HRH1: variants seen among roughly 807,000 people sequenced by gnomAD.
HRH1 encodes histamine receptor H1, also known as histamine H1 receptor.
Under a neutral mutation model 10.3 loss-of-function variants are expected in HRH1, and 6 were observed. That is an observed-to-expected ratio of 0.58 (90% CI 0.32 to 1.15). The LOEUF (loss-of-function observed/expected upper bound fraction) is 1.15. Ranked by LOEUF, HRH1 falls within the 50% of genes most tolerant of loss-of-function variation. The probability of loss-of-function intolerance (pLI) is 0.05; values close to 1 mark genes in which losing one functional copy is unlikely to be tolerated. For missense variants in HRH1, 514 were observed against 615.3 expected (o/e 0.84, Z 1.74); for synonymous variants, 242 against 236.7 (o/e 1.02, Z -0.21).
At chr3:11,236,242 C>G (rs1939178243) in intron 1 of HRH1, among the ~76,000 whole-genome samples, 1 of 152,176 alleles carries the variant, frequency 6.6e-6, no homozygotes, top group African/African-American at 2.4e-5. Flanking sequence ...ACCAGCCTGG[C>G]CAACATGGTG....
At chr3:11,236,530 G>A (rs768602171) in intron 1 of HRH1, among the ~76,000 whole-genome samples, 22 of 152,232 alleles carry the variant, frequency 1.4e-4, no homozygotes, top group Non-Finnish European at 2.2e-4. Context: ...TCATCCGGTG[G>A]CTATCATAAT....
intron 1 of HRH1, among the ~76,000 whole-genome samples, chr3:11,147,982 C>A (rs1276921442): frequency 6.6e-6 from 1 of 152,070 alleles, no homozygotes; most frequent in East Asian, 1.9e-4. Context: ...GTGATCAAGA[C>A]CATCCTGGCC....
At chr3:11,147,983 C>G (rs1375064443) in intron 1 of HRH1, among the ~76,000 whole-genome samples, 1 of 152,082 alleles carries the variant, frequency 6.6e-6, no homozygotes, top group Non-Finnish European at 1.5e-5. Flanking sequence ...TGATCAAGAC[C>G]ATCCTGGCCA....
rs543517129 is a variant in HRH1, at chr3:11,256,777, G to A, written c.-35-2226G>A. Among the ~76,000 whole-genome samples, 45 of 152,148 alleles carry A rather than the reference G, an allele frequency of 3.0e-4. 1 individual carries two copies. Among genetic ancestry groups the A allele is most frequent in the African/African-American group, 9.9e-4 (41 of 41,516 alleles). ...TCGCGCCATTGCACTCCAGTCTGGC[G>A]ACAGAGCGAGACTCCGTCTCTAAAT... On this transcript the variant is annotated intron_variant, in intron 1 of 1. Coordinates refer to ENST00000431010, the MANE Select transcript of HRH1 (RefSeq NM_001098212.2).
intron 1 of HRH1, among the ~76,000 whole-genome samples, chr3:11,162,745 C>G (rs1157221095): frequency 6.6e-6 from 1 of 152,068 alleles, no homozygotes; most frequent in Non-Finnish European, 1.5e-5. Flanking sequence ...GGTGTGGAGT[C>G]CATGCTTAGG....
intron 1 of HRH1, among the ~76,000 whole-genome samples, chr3:11,227,399 G>C (rs1938920927): frequency 6.6e-6 from 1 of 151,410 alleles, no homozygotes; most frequent in Non-Finnish European, 1.5e-5. Flanking sequence ...CAATTCTCCT[G>C]CCTCAGCCTC....
chr3:11,170,677 A>G (rs1937134827), intron 1 of HRH1, among the ~76,000 whole-genome samples: 1 of 152,214 alleles, frequency 6.6e-6, no homozygotes, highest in Admixed American at 6.5e-5. Flanking sequence ...AGATGAACAC[A>G]AGGGTTACGA....
chr3:11,231,852 T>C (rs993624559), intron 1 of HRH1, among the ~76,000 whole-genome samples: 2 of 152,186 alleles, frequency 1.3e-5, no homozygotes, highest in Non-Finnish European at 2.9e-5. Context: ...CATTGTTTTT[T>C]CTTTTTATGG....
At chr3:11,234,587 C>T in intron 1 of HRH1, 1 of 1,435,084 alleles carries the variant, frequency 7.0e-7, no homozygotes. Flanking sequence ...TCGTTGGGGT[C>T]ATCAGCCACC....
intron 1 of HRH1, among the ~76,000 whole-genome samples, chr3:11,235,710 T>A (rs1202938638): frequency 6.6e-6 from 1 of 152,144 alleles, no homozygotes; most frequent in African/African-American, 2.4e-5. Context: ...TCATTACAGC[T>A]TGACAAGGGT....
intron 1 of HRH1, among the ~76,000 whole-genome samples, chr3:11,186,076 A>T (rs1937447105): frequency 6.6e-6 from 1 of 151,898 alleles, no homozygotes; most frequent in East Asian, 1.9e-4. Flanking sequence ...CAGAGCCTCC[A>T]GTGGGTTCCT....
intron 1 of HRH1, among the ~76,000 whole-genome samples, chr3:11,156,887 C>A (rs763194709): frequency 1.3e-5 from 2 of 152,202 alleles, no homozygotes; most frequent in Non-Finnish European, 2.9e-5. Flanking sequence ...GAGAGTAGGT[C>A]TGGTTAGATG....
intron 1 of HRH1, among the ~76,000 whole-genome samples, chr3:11,206,945 G>A (rs1283837539): frequency 6.6e-6 from 1 of 152,156 alleles, no homozygotes; most frequent in Non-Finnish European, 1.5e-5. Context: ...GGGGAGGTCT[G>A]AGGAGGGCTT....
intron 1 of HRH1, among the ~76,000 whole-genome samples, chr3:11,188,748 A>G (rs1473118703): frequency 6.6e-6 from 1 of 152,220 alleles, no homozygotes; most frequent in Non-Finnish European, 1.5e-5. Flanking sequence ...TGAAAAATAT[A>G]TGATGACACA....
Position 11,259,929 on chromosome 3 carries a change from G to A in HRH1, c.892G>A (p.Asp298Asn). ...CAGCCAAGAGGATGATAGAGAAGTA[G>A]ACAAACTCTACTGCTTTCCACTTGA... The part of the protein sequence containing the change: ...VFSQEDDREV[D>N]KLYCFPLDIV... The change falls in exon 2 of 2, where the codon GAC becomes AAC. Residue 298 changes from aspartate (D) to asparagine (N), a missense_variant. Physicochemically the swap from Asp to Asn is conservative, Grantham distance 23 (BLOSUM62 1). Transcript: ENST00000431010. The surrounding 1 kb of genome is among the most constrained non-coding windows in gnomAD (Gnocchi z 4.6). 6.2e-7 allele frequency: 1 copy of A among 1,614,208 alleles called. No homozygotes were observed. Among genetic ancestry groups the A allele is most frequent in the East Asian group, 2.2e-5 (1 of 44,890 alleles).
At position 11,140,255 on chromosome 3, in the gene HRH1, G is replaced by A. The variant is rs193124234; in HGVS notation, c.-36+2856G>A. 2.8e-3 allele frequency among the ~76,000 whole-genome samples: 430 copies of A among 152,256 alleles called. 5 individuals are homozygous for A. The highest frequency in any genetic ancestry group is 3.4e-3 in the Middle Eastern group (1 of 294). The stretch of plus-strand genomic sequence containing the variant: ...GTGAAGATTGAATGCATTTGCTAAG[G>A]CTGGATGAAACCCCGCCCCTCCCCC... On this transcript the variant is annotated intron_variant, in intron 1 of 1. Transcript: ENST00000438284.
intron 1 of HRH1, among the ~76,000 whole-genome samples, chr3:11,163,767 T>A (rs1936973782): frequency 6.6e-6 from 1 of 152,182 alleles, no homozygotes; most frequent in South Asian, 2.1e-4. Flanking sequence ...TGTGTTCTCA[T>A]GTATTTATAT....
At chr3:11,174,580 C>T (rs534794055) in intron 1 of HRH1, among the ~76,000 whole-genome samples, 1 of 152,264 alleles carries the variant, frequency 6.6e-6, no homozygotes, top group Admixed American at 6.5e-5. Context: ...CAGAGAGAAC[C>T]GCAAAGGAAT....
chr3:11,251,133 A>G (rs1382840986), intron 1 of HRH1, among the ~76,000 whole-genome samples: 1 of 152,108 alleles, frequency 6.6e-6, no homozygotes, highest in Non-Finnish European at 1.5e-5. Flanking sequence ...GAGGGGGAAG[A>G]TAAGGGGTTA....
Sources: allele counts gnomAD v4.1 joint callset (sites outside exome capture counted in the v4.1 genomes callset), GRCh38; gene constraint gnomAD v4.1.1; non-coding constraint Gnocchi (gnomAD v3.1); transcripts MANE v1.5; gene names NCBI Gene and HGNC (gene_info 2026-07-23, HGNC 2026-07-21).